Variants in CELA2A observed in about 807,000 individuals in gnomAD.
CELA2A encodes chymotrypsin-like elastase family member 2A.
CELA2A carries 31 observed loss-of-function variants against 35.3 expected under a neutral mutation model. The ratio of observed to expected loss-of-function variants is 0.88; its 90% CI spans 0.66 to 1.19. The LOEUF is 1.19. Ranked by LOEUF, CELA2A falls within the 50% of genes most tolerant of loss-of-function variation. CELA2A has a pLI of 0.00. For missense variants in CELA2A, 330 were observed against 352.9 expected (o/e 0.94, Z 0.52); for synonymous variants, 150 against 149.8 (o/e 1.00, Z -0.01).
chr1:15,458,589 C>G (rs7525825), intron 2 of CELA2A, among the ~76,000 whole-genome samples: 13,310 of 152,060 alleles, frequency 0.088, 773 homozygotes, highest in East Asian at 0.2. Flanking sequence ...GAGAGGCCAG[C>G]GTTCATTCAT....
intron 1 of CELA2A, 46 bp from the exon 2 acceptor site, chr1:15,457,040 G>T: frequency 6.4e-7 from 1 of 1,566,478 alleles, no homozygotes; most frequent in Non-Finnish European, 8.8e-7. Flanking sequence ...AGTTTACATT[G>T]TGTGGGTCGC....
rs749042017 is a variant in CELA2A at position 15,461,629 on chromosome 1, C to G, written c.198C>G (p.Ser66Arg). The G allele has an allele frequency of 1.2e-6, 2 of 1,613,392 alleles. No homozygotes were observed. The highest frequency in any genetic ancestry group is 4.5e-5 in the East Asian group (2 of 44,898). ...GCGGAGGGTCCCTGATAGCCAACAGCTGGGTCCTGACGGCTGCCCACTGCA... is the reference window on the plus strand; with the variant it reads ...GCGGAGGGTCCCTGATAGCCAACAGGTGGGTCCTGACGGCTGCCCACTGCA... ...HTCGGSLIANSWVLTAAHCIS... is the reference protein window; with the variant it reads ...HTCGGSLIANRWVLTAAHCIS... Residue 66 changes from serine to arginine, a missense_variant, in exon 3 of 8, where the codon AGC becomes AGG. Transcript: ENST00000359621.
rs780461356 is a variant in CELA2A at position 15,466,163 on chromosome 1, G to A, written c.639+19G>A. 4 of 1,611,892 alleles carry A rather than the reference G, an allele frequency of 2.5e-6. No homozygotes were observed. The East Asian group carries it at 8.9e-5, about 36-fold the overall frequency. On this transcript the variant is annotated intron_variant, in intron 6 of 7. Coordinates refer to ENST00000359621, the MANE Select transcript of CELA2A (RefSeq NM_033440.3). ...CTGCAACGTGAGTACCAAAATCAGG[G>A]GCTCCGCTCCATGACAAAATGTGGC... is the stretch of plus-strand genomic sequence containing the variant.
chr1:15,465,960 T>G (rs1708511254), intron 5 of CELA2A, 39 bp from the exon 6 acceptor site: 1 of 1,610,122 alleles, frequency 6.2e-7, no homozygotes, highest in Non-Finnish European at 8.5e-7. Context: ...TTCTCAGGAG[T>G]CCCTGCATCC....
intron 4 of CELA2A, 97 bp from the exon 5 acceptor site, chr1:15,463,287 CAG>C: frequency 6.4e-7 from 1 of 1,561,652 alleles, no homozygotes; most frequent in Non-Finnish European, 8.7e-7. Context: ...CCTGGGGTAA[CAG>C]GGTACAGGGA....
chr1:15,461,318 T>C (rs1282156558), intron 2 of CELA2A, among the ~76,000 whole-genome samples: 1 of 152,202 alleles, frequency 6.6e-6, no homozygotes, highest in Non-Finnish European at 1.5e-5. Context: ...TTCCTTGGCC[T>C]CCCGAAGTGT....
At chr1:15,468,239 A>G (rs1366290008) in intron 7 of CELA2A, among the ~76,000 whole-genome samples, 1 of 152,120 alleles carries the variant, frequency 6.6e-6, no homozygotes, top group Non-Finnish European at 1.5e-5. Context: ...TCCCCATAGC[A>G]TTAATTATTG....
At chr1:15,459,934 T>C (rs1708410134) in intron 2 of CELA2A, among the ~76,000 whole-genome samples, 1 of 140,722 alleles carries the variant, frequency 7.1e-6, no homozygotes, top group African/African-American at 2.7e-5. Context: ...ATGGGCAACA[T>C]AGATAGCCAT....
intron 7 of CELA2A, 32 bp from the exon 8 acceptor site, chr1:15,471,958 T>C: frequency 6.2e-7 from 1 of 1,613,990 alleles, no homozygotes; most frequent in Non-Finnish European, 8.5e-7. Context: ...TGCGGTTAGG[T>C]GAACCTGACG....
chr1:15,457,203 G>A (rs183764713), intron 2 of CELA2A, 29 bp downstream of exon 2: 691 of 1,603,144 alleles, frequency 4.3e-4, no homozygotes, highest in Non-Finnish European at 5.5e-4. Context: ...ACTTCTCCCC[G>A]TCCCTGCCCC....
intron 5 of CELA2A, among the ~76,000 whole-genome samples, chr1:15,464,176 GGAGA>G (rs1335773235): frequency 2.0e-5 from 3 of 152,188 alleles, no homozygotes; most frequent in African/African-American, 7.2e-5. Flanking sequence ...TCCCTATGAT[GGAGA>G]GAAAGTTACA....
intron 2 of CELA2A, among the ~76,000 whole-genome samples, chr1:15,460,649 TTC>T (rs981258734): frequency 2.0e-5 from 2 of 100,766 alleles, no homozygotes; most frequent in African/African-American, 3.0e-5. Context: ...CACCTTAAAG[TTC>T]TTTTTTTTTT....
chr1:15,456,939 A>T, intron 1 of CELA2A, 146 bp downstream of exon 1: 1 of 1,311,824 alleles, frequency 7.6e-7, no homozygotes, highest in Non-Finnish European at 1.1e-6. Context: ...AGTTTCAAAG[A>T]ATTGGAGCAA....
In CELA2A at chr1:15,465,987, G is replaced by C. The variant is rs1708511798; in HGVS notation, c.494-12G>C. ...CCTGCATCCCTAATGGCTTCTCTCT[G>C]ATCTCATTCAGCCAACGGGGCTGTT... is the stretch of plus-strand genomic sequence containing the variant. On this transcript the variant is annotated splice_polypyrimidine_tract_variant and intron_variant, in intron 5 of 7. Coordinates refer to ENST00000359621, the MANE Select transcript of CELA2A (RefSeq NM_033440.3). 6.2e-7 allele frequency: 1 copy of C among 1,613,870 alleles called. No individual in the cohort carries two copies. Among genetic ancestry groups the C allele is most frequent in the African/African-American group, 1.3e-5 (1 of 74,906 alleles).
chr1:15,471,258 T>C (rs550751053), intron 7 of CELA2A, among the ~76,000 whole-genome samples: 15 of 152,222 alleles, frequency 9.9e-5, no homozygotes, highest in African/African-American at 3.6e-4. Context: ...TATCAAAATG[T>C]TTAACAGGCT....
Position 15,467,499 on chromosome 1 carries a change from C to G in CELA2A, c.753C>G (p.Val251=), listed in dbSNP as rs747190461. The G allele has an allele frequency of 6.2e-7, 1 of 1,614,206 alleles. No individual in the cohort carries two copies. Among genetic ancestry groups the G allele is most frequent in the East Asian group, 2.2e-5 (1 of 44,886 alleles). ...LGCNYYHKPS[V]FTRVSNYIDW... ...GCAACTACTACCACAAGCCCTCCGTCTTCACGCGGGTCTCCAATTACATCG... is the reference window on the plus strand; with the variant it reads ...GCAACTACTACCACAAGCCCTCCGTGTTCACGCGGGTCTCCAATTACATCG... Residue 251 remains valine, a synonymous_variant, in exon 7 of 8, where the codon GTC becomes GTG. Transcript: ENST00000359621.
intron 6 of CELA2A, among the ~76,000 whole-genome samples, 186 bp from the exon 7 acceptor site, chr1:15,467,200 G>C (rs1042635629): frequency 6.6e-6 from 1 of 152,176 alleles, no homozygotes; most frequent in African/African-American, 2.4e-5. Flanking sequence ...CTCAGCTCTG[G>C]CCACACAGGA....
At chr1:15,460,322 C>T (rs990162460) in intron 2 of CELA2A, among the ~76,000 whole-genome samples, 11 of 150,592 alleles carry the variant, frequency 7.3e-5, no homozygotes, top group South Asian at 6.3e-4. Context: ...GGGGGGGGTA[C>T]ATCCTTTTAA....
At chr1:15,468,397 C>A (rs1466244315) in intron 7 of CELA2A, among the ~76,000 whole-genome samples, 5 of 152,176 alleles carry the variant, frequency 3.3e-5, no homozygotes, top group African/African-American at 1.2e-4. Context: ...GTTGGTCCCC[C>A]TGTCTTGTAA....
Sources: gnomAD v4.1 joint callset for allele counts (sites outside exome capture counted in the v4.1 genomes callset) on GRCh38, gnomAD v4.1.1 for gene constraint, MANE v1.5 for transcripts, NCBI Gene and HGNC (gene_info 2026-07-23, HGNC 2026-07-21) for gene names.